Variants in ASAP2 observed in about 807,000 individuals in gnomAD.
ASAP2 encodes arf-GAP with SH3 domain, ANK repeat and PH domain-containing protein 2.
ASAP2 carries 45 observed loss-of-function variants against 131.4 expected under a neutral mutation model. That is an observed-to-expected ratio of 0.34 (90% CI 0.27 to 0.44). ASAP2 has a LOEUF of 0.44. ASAP2 is among the 20% of genes least tolerant of loss of function. The probability of loss-of-function intolerance (pLI) is 1.00; values close to 1 mark genes in which losing one functional copy is unlikely to be tolerated. For missense variants in ASAP2, 1,011 were observed against 1,297.0 expected (o/e 0.78, Z 3.39); for synonymous variants, 510 against 503.0 (o/e 1.01, Z -0.19).
chr2:9,299,503 T>C (rs1053212142), intron 3 of ASAP2, among the ~76,000 whole-genome samples: 4 of 152,224 alleles, frequency 2.6e-5, no homozygotes, highest in Non-Finnish European at 5.9e-5. Flanking sequence ...GGATGTGTTT[T>C]AGTAAAATGA....
intron 3 of ASAP2, among the ~76,000 whole-genome samples, chr2:9,297,698 A>G (rs1668230982): frequency 6.6e-6 from 1 of 152,246 alleles, no homozygotes; most frequent in South Asian, 2.1e-4. Flanking sequence ...GGGTAAATGC[A>G]TTCGTCTTCT....
At chr2:9,254,225 A>T (rs1664937141) in intron 1 of ASAP2, among the ~76,000 whole-genome samples, 1 of 106,918 alleles carries the variant, frequency 9.4e-6, no homozygotes, top group Non-Finnish European at 1.9e-5. Context: ...AAAAAAAAAA[A>T]AAAAAAAAAA....
chr2:9,379,910 T>G (rs1392737889), intron 19 of ASAP2, among the ~76,000 whole-genome samples: 1 of 151,086 alleles, frequency 6.6e-6, no homozygotes, highest in Non-Finnish European at 1.5e-5. Context: ...GAGAATCACT[T>G]GAACCCGGGA....
At chr2:9,367,931 ACT>A (rs1048000943) in intron 15 of ASAP2, among the ~76,000 whole-genome samples, 16 of 151,996 alleles carry the variant, frequency 1.1e-4, no homozygotes, top group African/African-American at 3.6e-4. Context: ...ACTGATGAAA[ACT>A]CTGCCGCTCA....
chr2:9,369,087 C>T (rs1196752664), intron 16 of ASAP2, among the ~76,000 whole-genome samples: 5 of 151,496 alleles, frequency 3.3e-5, no homozygotes, highest in African/African-American at 9.7e-5. Context: ...GGCACGATCT[C>T]GGCTCACTGC....
chr2:9,278,293 C>A (rs13384638), intron 1 of ASAP2, among the ~76,000 whole-genome samples: 16,066 of 151,820 alleles, frequency 0.11, 885 homozygotes, highest in Admixed American at 0.14. Flanking sequence ...CAGGTGGATC[C>A]CCTGAGGTCA....
At chr2:9,211,150 C>T (rs373319152) in intron 1 of ASAP2, among the ~76,000 whole-genome samples, 34 of 134,898 alleles carry the variant, frequency 2.5e-4, no homozygotes, top group South Asian at 4.5e-4. Flanking sequence ...AGTGAAACTG[C>T]GTCTCAAAAA....
chr2:9,294,572 A>G (rs1036433165), intron 2 of ASAP2, among the ~76,000 whole-genome samples: 2 of 152,218 alleles, frequency 1.3e-5, no homozygotes, highest in African/African-American at 4.8e-5. Flanking sequence ...GATTCAGAAG[A>G]AAATAGGGAT....
At chr2:9,326,723 A>G (rs541195997) in intron 6 of ASAP2, among the ~76,000 whole-genome samples, 88 of 152,282 alleles carry the variant, frequency 5.8e-4, no homozygotes, top group African/African-American at 2.0e-3. Context: ...GTTGATGTCC[A>G]TGTCAGAAAT....
chr2:9,337,377 A>G (rs1671278877), intron 9 of ASAP2, among the ~76,000 whole-genome samples: 1 of 152,234 alleles, frequency 6.6e-6, no homozygotes, highest in Non-Finnish European at 1.5e-5. Context: ...AATGATTTTT[A>G]TGATGGGGGT....
At chr2:9,225,690 G>C (rs1010137289) in intron 1 of ASAP2, among the ~76,000 whole-genome samples, 5 of 152,182 alleles carry the variant, frequency 3.3e-5, no homozygotes, top group African/African-American at 1.2e-4. Flanking sequence ...TGGGATCCTG[G>C]GGGAGATGGA....
intron 16 of ASAP2, among the ~76,000 whole-genome samples, chr2:9,370,919 C>T (rs1348885304): frequency 6.6e-6 from 1 of 152,208 alleles, no homozygotes; most frequent in African/African-American, 2.4e-5. Context: ...TTGACACCTG[C>T]TCTTTCAGCT....
At chr2:9,393,324 A>C (rs562339790) in intron 23 of ASAP2, among the ~76,000 whole-genome samples, 158 bp from the exon 24 acceptor site, 13 of 152,214 alleles carry the variant, frequency 8.5e-5, no homozygotes, top group Non-Finnish European at 1.6e-4. Context: ...CCTCCCTGTG[A>C]ATGGTTTTCT....
intron 3 of ASAP2, among the ~76,000 whole-genome samples, chr2:9,313,557 G>A (rs772312335): frequency 7.2e-5 from 11 of 152,310 alleles, no homozygotes; most frequent in East Asian, 5.8e-4. Context: ...CTTTGGCGCT[G>A]CCCCCGCCAG....
intron 1 of ASAP2, among the ~76,000 whole-genome samples, chr2:9,275,940 C>T (rs1246946316): frequency 6.6e-6 from 1 of 152,190 alleles, no homozygotes; most frequent in African/African-American, 2.4e-5. Context: ...TCAGGTGCTC[C>T]GTAGACACGT....
chr2:9,314,097 C>A, intron 3 of ASAP2, among the ~76,000 whole-genome samples: 1 of 152,200 alleles, frequency 6.6e-6, no homozygotes, highest in Non-Finnish European at 1.5e-5. Context: ...GATTCTCCTG[C>A]CTCAGCCTCC....
chr2:9,270,785 ATTTTTT>A (rs35913703), intron 1 of ASAP2, among the ~76,000 whole-genome samples: 20 of 52,926 alleles, frequency 3.8e-4, no homozygotes, highest in African/African-American at 9.3e-4. Context: ...AATTGTTTTC[ATTTTTT>A]TTTTTTTTTT....
chr2:9,382,376 G>A (rs1210435533), intron 20 of ASAP2, among the ~76,000 whole-genome samples: 1 of 152,198 alleles, frequency 6.6e-6, no homozygotes, highest in African/African-American at 2.4e-5. Flanking sequence ...AAAGTTAAGT[G>A]ACTTGGCCAG....
rs113395008 is a variant in ASAP2, at chr2:9,361,862, G to C, written c.1461+2973G>C. On this transcript the variant is annotated intron_variant, in intron 15 of 27. Transcript: ENST00000281419. The stretch of plus-strand genomic sequence containing the variant: ...TTACAGGTGTGAGCCACTGCGCTTG[G>C]CCTCAAGCCTTTTAAAAGTATCCAG... Among the ~76,000 whole-genome samples the C allele has an allele frequency of 6.6e-3, 1,011 of 152,252 alleles. 11 individuals carry two copies. The highest frequency in any genetic ancestry group is 0.023 in the African/African-American group (958 of 41,530).
Sources: allele counts gnomAD v4.1 joint callset (sites outside exome capture counted in the v4.1 genomes callset), GRCh38; gene constraint gnomAD v4.1.1; transcripts MANE v1.5; gene names NCBI Gene and HGNC (gene_info 2026-07-23, HGNC 2026-07-21).